ATP8A2: variants seen among roughly 807,000 people sequenced by gnomAD.
ATP8A2 encodes the protein ATPase phospholipid transporting 8A2, also known as phospholipid-transporting ATPase IB.
Under a neutral mutation model 165.6 loss-of-function variants are expected in ATP8A2, and 100 were observed. That is an observed-to-expected ratio of 0.60 (90% CI 0.51 to 0.71). The LOEUF is 0.71. ATP8A2 is among the 30% of genes least tolerant of loss of function. The pLI is 0.00. For synonymous variants in ATP8A2, 543 were observed against 548.8 expected, an observed-to-expected ratio of 0.99 and a Z score of 0.15; for missense variants, 1,227 against 1,479.5, an observed-to-expected ratio of 0.83 and a Z score of 2.80.
At chr13:25,574,719 A>G (rs1281551745) in intron 18 of ATP8A2, 89 bp from the exon 19 acceptor site, 3 of 795,022 alleles carry the variant, frequency 3.8e-6, no homozygotes, top group East Asian at 2.4e-5. Context: ...GAGAGAGAGC[A>G]TATATATGTC....
At chr13:25,430,959 T>A (rs1289806801) in intron 1 of ATP8A2, among the ~76,000 whole-genome samples, 1 of 151,952 alleles carries the variant, frequency 6.6e-6, no homozygotes, top group African/African-American at 2.4e-5. Flanking sequence ...CTGGTTAATA[T>A]TGTCACTCCT....
At chr13:25,406,677 T>C (rs1300599233) in intron 1 of ATP8A2, among the ~76,000 whole-genome samples, 5 of 152,104 alleles carry the variant, frequency 3.3e-5, no homozygotes, top group Non-Finnish European at 5.9e-5. Context: ...GGAGACCATG[T>C]TTGGGGTTGG....
At chr13:25,842,208 C>A in intron 30 of ATP8A2, among the ~76,000 whole-genome samples, 1 of 152,000 alleles carries the variant, frequency 6.6e-6, no homozygotes, top group Non-Finnish European at 1.5e-5. Flanking sequence ...TAATAGCTTC[C>A]TAGGGGAGGT....
In ATP8A2 at chr13:25,643,777, G is replaced by C. The variant is rs570602445; in HGVS notation, c.2211+54078G>C. 1.1e-3 allele frequency among the ~76,000 whole-genome samples: 170 copies of C among 148,514 alleles called. 2 individuals carry two copies. Among genetic ancestry groups the C allele is most frequent in the Non-Finnish European group, 2.0e-3 (132 of 67,242 alleles). On this transcript the variant is annotated intron_variant, in intron 24 of 36. Coordinates refer to ENST00000381655, the MANE Select transcript of ATP8A2 (RefSeq NM_016529.6). ...TCAGTTCCAGATGAATTTTAGGATT[G>C]TTTTCTCTTCATGAAAAATGACTTT... is the stretch of plus-strand genomic sequence containing the variant.
intron 24 of ATP8A2, among the ~76,000 whole-genome samples, chr13:25,648,691 G>C (rs898240467): frequency 2.0e-5 from 3 of 151,992 alleles, no homozygotes. Context: ...AACAAAAATG[G>C]AATAGTTTTT....
At chr13:25,533,334 T>C (rs751419605) in intron 6 of ATP8A2, 21 bp downstream of exon 6, 5 of 1,389,904 alleles carry the variant, frequency 3.6e-6, no homozygotes, top group Non-Finnish European at 3.1e-6. Flanking sequence ...ATTTTAAAGA[T>C]GTACCAGTAC....
intron 1 of ATP8A2, among the ~76,000 whole-genome samples, chr13:25,433,742 C>T (rs544740341): frequency 9.9e-5 from 15 of 152,232 alleles, no homozygotes; most frequent in African/African-American, 2.6e-4. Flanking sequence ...TGCCCATCAA[C>T]GGTTGACTGG....
At chr13:25,847,317 A>T (rs1951890113) in intron 30 of ATP8A2, among the ~76,000 whole-genome samples, 3 of 152,156 alleles carry the variant, frequency 2.0e-5, no homozygotes, top group Admixed American at 2.0e-4. Flanking sequence ...CAAATGCAAG[A>T]TTTTTGTTTC....
intron 4 of ATP8A2, 45 bp downstream of exon 4, chr13:25,530,705 T>A (rs961381014): frequency 1.7e-6 from 2 of 1,181,228 alleles, no homozygotes; most frequent in Non-Finnish European, 2.5e-6. Flanking sequence ...ATGCAGTAGA[T>A]AATAACTTAT....
At chr13:25,918,917 G>A (rs1332577320) in intron 33 of ATP8A2, among the ~76,000 whole-genome samples, 3 of 152,292 alleles carry the variant, frequency 2.0e-5, no homozygotes, top group Non-Finnish European at 2.9e-5. Context: ...CTGGGGGTTG[G>A]TGTTCAAATG....
chr13:25,581,151 G>A (rs2039765121), intron 22 of ATP8A2, among the ~76,000 whole-genome samples: 1 of 152,162 alleles, frequency 6.6e-6, no homozygotes, highest in African/African-American at 2.4e-5. Context: ...ACCAAGTAGA[G>A]GTGCTATGTC....
intron 27 of ATP8A2, among the ~76,000 whole-genome samples, chr13:25,794,060 G>A (rs947030849): frequency 4.6e-5 from 7 of 152,128 alleles, no homozygotes; most frequent in Admixed American, 6.6e-5. Flanking sequence ...TATATTTTTC[G>A]TACTTGGTTG....
chr13:25,594,602 C>G (rs933542072), intron 24 of ATP8A2, among the ~76,000 whole-genome samples: 17 of 152,098 alleles, frequency 1.1e-4, no homozygotes, highest in Admixed American at 9.2e-4. Flanking sequence ...CAAAGTCCAT[C>G]GTGTCATTCT....
intron 33 of ATP8A2, among the ~76,000 whole-genome samples, chr13:25,931,686 G>T (rs537094091): frequency 5.3e-5 from 8 of 152,302 alleles, no homozygotes; most frequent in African/African-American, 1.7e-4. Flanking sequence ...GCTGGGGGAA[G>T]AATCTTGAAG....
chr13:25,804,206 T>A (rs1471088783), intron 27 of ATP8A2, among the ~76,000 whole-genome samples: 1 of 152,142 alleles, frequency 6.6e-6, no homozygotes, highest in African/African-American at 2.4e-5. Flanking sequence ...CATTTTCTGC[T>A]GGGGGTGGGG....
chr13:25,503,411 G>A (rs1036528974), intron 2 of ATP8A2, among the ~76,000 whole-genome samples: 5 of 152,194 alleles, frequency 3.3e-5, no homozygotes, highest in Admixed American at 2.0e-4. Flanking sequence ...CCATGAAGCA[G>A]CGTTCATACA....
At chr13:25,721,128 A>G (rs2043372461) in intron 25 of ATP8A2, among the ~76,000 whole-genome samples, 1 of 151,226 alleles carries the variant, frequency 6.6e-6, no homozygotes, top group African/African-American at 2.4e-5. Flanking sequence ...GCTCATTATT[A>G]TTATTATTAT....
chr13:25,630,312 A>C (rs1326335432), intron 24 of ATP8A2, among the ~76,000 whole-genome samples: 1 of 152,214 alleles, frequency 6.6e-6, no homozygotes, highest in Non-Finnish European at 1.5e-5. Context: ...CCCATTCGTG[A>C]AAAGCCCACT....
rs148254461 is a variant in ATP8A2 at position 25,752,187 on chromosome 13, G to A, written c.2385-16859G>A. Among the ~76,000 whole-genome samples the A allele has an allele frequency of 9.1e-3, 1,390 of 152,106 alleles. 31 individuals are homozygous for A. Among genetic ancestry groups the A allele is most frequent in the African/African-American group, 0.032 (1,327 of 41,490 alleles). ...AGAAATTTATCCTAAGAGGCCAGGC[G>A]CAGTGGCTCACGCCTGTAATCCCAA... On this transcript the variant is annotated intron_variant, in intron 25 of 36. Transcript: ENST00000381655.
Sources: gnomAD v4.1 joint callset for allele counts (sites outside exome capture counted in the v4.1 genomes callset) on GRCh38, gnomAD v4.1.1 for gene constraint, MANE v1.5 for transcripts, NCBI Gene and HGNC (gene_info 2026-07-23, HGNC 2026-07-21) for gene names.